The following NRXN3 variants were observed in gnomAD, a reference collection of about 807,000 sequenced individuals.
NRXN3 encodes the protein neurexin III.
NRXN3 carries 32 observed loss-of-function variants against 137.6 expected under a neutral mutation model. That is an observed-to-expected ratio of 0.23 (90% CI 0.18 to 0.31). The LOEUF (loss-of-function observed/expected upper bound fraction) is 0.31, where lower values mean the gene tolerates loss of function less well. NRXN3 is among the 10% of genes least tolerant of loss of function. NRXN3 has a pLI of 1.00. For missense variants in NRXN3, 1,574 were observed against 2,062.5 expected, an observed-to-expected ratio of 0.76 and a Z score of 4.59; for synonymous variants, 798 against 784.5, an observed-to-expected ratio of 1.02 and a Z score of -0.29.
At chr14:79,637,888 C>T (rs934773459) in intron 16 of NRXN3, among the ~76,000 whole-genome samples, 1 of 104,440 alleles carries the variant, frequency 9.6e-6, no homozygotes, top group Non-Finnish European at 1.8e-5. Context: ...CGCCACCATG[C>T]CTGGCTAATA....
Position 78,456,859 on chromosome 14 carries a change from C to CTTTTTCTCTT in NRXN3, c.757+159000_757+159001insTTTTCTCTTT, listed in dbSNP as rs1567645300. On this transcript the variant is annotated intron_variant, in intron 4 of 20. Coordinates refer to ENST00000335750, the MANE Select transcript of NRXN3 (RefSeq NM_001330195.2). ...TTTCTTTCTTTCTTTCTTTCTTTTT[C>CTTTTTCTCTT]TCTTTCTTTCTTTCTTTCTTTCCTT... Among the ~76,000 whole-genome samples the CTTTTTCTCTT allele has an allele frequency of 3.8e-3, 309 of 81,208 alleles. 2 individuals carry two copies. The highest frequency in any genetic ancestry group is 0.024 in the East Asian group (63 of 2,598). The allele number at this position is 81,208 out of a possible 152,430, so 53.3% of individuals were successfully genotyped here.
At chr14:79,408,920 GT>G (rs76658197) in intron 15 of NRXN3, among the ~76,000 whole-genome samples, 1 of 151,672 alleles carries the variant, frequency 6.6e-6, no homozygotes, top group Non-Finnish European at 1.5e-5. Flanking sequence ...AAATTCATGT[GT>G]TTTTTTTCTT....
At chr14:78,305,486 T>A (rs946873317) in intron 4 of NRXN3, among the ~76,000 whole-genome samples, 2 of 152,190 alleles carry the variant, frequency 1.3e-5, no homozygotes, top group African/African-American at 2.4e-5. Context: ...AATGCTGAGC[T>A]AATCAACACT....
intron 4 of NRXN3, among the ~76,000 whole-genome samples, chr14:78,496,928 T>G (rs1384757463): frequency 6.6e-6 from 1 of 152,112 alleles, no homozygotes; most frequent in Non-Finnish European, 1.5e-5. Context: ...TTGAGCAGTC[T>G]TAACTCATGT....
At chr14:78,536,448 C>A (rs1048111391) in intron 4 of NRXN3, among the ~76,000 whole-genome samples, 1 of 152,154 alleles carries the variant, frequency 6.6e-6, no homozygotes, top group African/African-American at 2.4e-5. Context: ...CTCTAGTAAG[C>A]CAGCCCAGTG....
At chr14:79,613,802 A>C (rs2098128257) in intron 16 of NRXN3, among the ~76,000 whole-genome samples, 1 of 152,226 alleles carries the variant, frequency 6.6e-6, no homozygotes, top group Admixed American at 6.5e-5. Context: ...CATTCTGTCT[A>C]AGTCAACCTT....
chr14:79,236,294 G>A (rs180911313), intron 15 of NRXN3, among the ~76,000 whole-genome samples: 2 of 151,940 alleles, frequency 1.3e-5, no homozygotes, highest in Non-Finnish European at 2.9e-5. Context: ...ATATTTATAT[G>A]GTGTATATAG....
At chr14:78,524,139 A>G (rs1175076217) in intron 4 of NRXN3, among the ~76,000 whole-genome samples, 1 of 152,194 alleles carries the variant, frequency 6.6e-6, no homozygotes, top group Non-Finnish European at 1.5e-5. Flanking sequence ...ACAGTGCTTG[A>G]GGGGTGGTCA....
intron 16 of NRXN3, among the ~76,000 whole-genome samples, chr14:79,584,317 C>T (rs371081292): frequency 7.0e-4 from 106 of 152,220 alleles, no homozygotes; most frequent in African/African-American, 2.2e-3. Context: ...ATCCCAAACT[C>T]GATGAAATGT....
At chr14:79,067,838 A>G (rs773583887) in intron 15 of NRXN3, among the ~76,000 whole-genome samples, 22 of 152,086 alleles carry the variant, frequency 1.4e-4, no homozygotes, top group Admixed American at 2.6e-4. Flanking sequence ...CATTCAACAC[A>G]TGAACCTTTG....
intron 4 of NRXN3, among the ~76,000 whole-genome samples, chr14:78,633,981 A>T (rs1417639530): frequency 6.6e-6 from 1 of 152,196 alleles, no homozygotes; most frequent in Non-Finnish European, 1.5e-5. Flanking sequence ...GAAGGCTAAG[A>T]GGATGGGCAC....
chr14:79,433,043 C>A (rs979890578), intron 15 of NRXN3, among the ~76,000 whole-genome samples: 11 of 152,126 alleles, frequency 7.2e-5, no homozygotes, highest in Non-Finnish European at 8.8e-5. Context: ...CGGCACCTAA[C>A]AATGTAATCT....
At chr14:78,608,197 C>G (rs2097268452) in intron 4 of NRXN3, among the ~76,000 whole-genome samples, 1 of 152,116 alleles carries the variant, frequency 6.6e-6, no homozygotes, top group African/African-American at 2.4e-5. Flanking sequence ...CACTTGCTGT[C>G]CACTGGCATC....
chr14:79,348,578 T>C (rs1029372065), intron 15 of NRXN3, among the ~76,000 whole-genome samples: 3 of 152,054 alleles, frequency 2.0e-5, no homozygotes, highest in East Asian at 1.9e-4. Context: ...AGGGTTTCAC[T>C]GTGTTAGCCA....
intron 19 of NRXN3, among the ~76,000 whole-genome samples, chr14:79,779,105 ATTG>A (rs932494789): frequency 1.8e-4 from 28 of 152,224 alleles, no homozygotes; most frequent in African/African-American, 6.3e-4. Flanking sequence ...ATGGCAATGA[ATTG>A]TTGTTGTTGT....
intron 19 of NRXN3, among the ~76,000 whole-genome samples, chr14:79,735,465 C>A (rs1425044642): frequency 1.3e-5 from 2 of 152,114 alleles, no homozygotes; most frequent in Non-Finnish European, 2.9e-5. Context: ...TTGACATTAG[C>A]TTGAACTTGA....
chr14:79,020,126 TCC>T (rs1491585889), intron 15 of NRXN3, among the ~76,000 whole-genome samples: 341 of 10,764 alleles, frequency 0.032, 22 homozygotes, highest in African/African-American at 0.2. Flanking sequence ...TCTTTTCCTT[TCC>T]CTTCCCTTCC....
chr14:79,710,524 T>C (rs1047336868), intron 19 of NRXN3, among the ~76,000 whole-genome samples: 2 of 152,162 alleles, frequency 1.3e-5, no homozygotes, highest in Admixed American at 6.5e-5. Flanking sequence ...AGAGTGCTAT[T>C]GTAACACGTG....
intron 16 of NRXN3, among the ~76,000 whole-genome samples, chr14:79,470,926 GAGAGAGAGAGAGAA>G (rs1317376908): frequency 2.8e-5 from 3 of 105,330 alleles, no homozygotes; most frequent in African/African-American, 1.1e-4. Flanking sequence ...GTGTGAGAGA[GAGAGAGAGAGAGAA>G]AGAGAGAGAG....
Sources: allele counts gnomAD v4.1 joint callset (sites outside exome capture counted in the v4.1 genomes callset), GRCh38; gene constraint gnomAD v4.1.1; transcripts MANE v1.5; gene names NCBI Gene and HGNC (gene_info 2026-07-23, HGNC 2026-07-21).